Variants in IKBKE observed in about 807,000 individuals in gnomAD.
IKBKE encodes inhibitor of nuclear factor kappa-B kinase subunit epsilon.
IKBKE carries 45 observed loss-of-function variants against 92.1 expected under a neutral mutation model. The observed-to-expected ratio is 0.49, with a 90% CI of 0.38 to 0.63. The LOEUF (loss-of-function observed/expected upper bound fraction) is 0.63, where lower values mean the gene tolerates loss of function less well. IKBKE is among the 20% of genes least tolerant of loss of function. IKBKE has a pLI of 0.00. For missense variants in IKBKE, 700 were observed against 932.8 expected, an observed-to-expected ratio of 0.75 and a Z score of 3.25; for synonymous variants, 374 against 380.3, an observed-to-expected ratio of 0.98 and a Z score of 0.19.
chr1:206,476,650 A>G lies in IKBKE; in HGVS notation c.541-28A>G, dbSNP rs782429119. ...AGGCCCTTGCCAGCCCTCCGGCTCC[A>G]TGGCCTCATTCTGGTTCTCTCCGGC... On this transcript the variant is annotated intron_variant, in intron 6 of 21. Coordinates refer to ENST00000581977, the MANE Select transcript of IKBKE (RefSeq NM_014002.4). The surrounding 1 kb of genome is among the most constrained non-coding windows in gnomAD (Gnocchi z 5.1). The G allele has an allele frequency of 1.2e-6, 2 of 1,613,854 alleles. No individual in the cohort carries two copies. Among genetic ancestry groups the G allele is most frequent in the Non-Finnish European group, 1.7e-6 (2 of 1,179,852 alleles).
In IKBKE at chr1:206,476,375, C is replaced by A. The variant is rs1426529012; in HGVS notation, c.540+13C>A. Reference sequence around the variant, plus strand: ...TGAGGAGTACCTGGTGGGTGAGCTGCTCGAGACCCGCTGCCCTATGCTGAG... The same window carrying A: ...TGAGGAGTACCTGGTGGGTGAGCTGATCGAGACCCGCTGCCCTATGCTGAG... On this transcript the variant is annotated intron_variant, in intron 6 of 21. Coordinates refer to ENST00000581977, the MANE Select transcript of IKBKE (RefSeq NM_014002.4). The surrounding 1 kb of genome is among the most constrained non-coding windows in gnomAD (Gnocchi z 5.1). 2 of 1,595,028 alleles carry A rather than the reference C, an allele frequency of 1.3e-6. No homozygotes were observed. Among genetic ancestry groups the A allele is most frequent in the African/African-American group, 1.3e-5 (1 of 74,826 alleles).
At chr1:206,494,525 T>C (rs1156394554) in intron 21 of IKBKE, among the ~76,000 whole-genome samples, 1 of 150,936 alleles carries the variant, frequency 6.6e-6, no homozygotes, top group Non-Finnish European at 1.5e-5. Flanking sequence ...TCATGAGAGG[T>C]TGGTGTGGGA....
At chr1:206,494,506 G>A (rs782668627) in intron 21 of IKBKE, among the ~76,000 whole-genome samples, 12 of 151,894 alleles carry the variant, frequency 7.9e-5, no homozygotes, top group Non-Finnish European at 1.5e-4. Context: ...TCCTTGGGGT[G>A]CTGAGGGGTC....
At chr1:206,480,600 C>A in intron 13 of IKBKE, 67 bp downstream of exon 13, 2 of 1,142,568 alleles carry the variant, frequency 1.8e-6, no homozygotes, top group South Asian at 1.3e-5. Flanking sequence ...ACCCTAGATA[C>A]TTCCAACAAT....
chr1:206,495,197 T>A (rs1417571966), intron 21 of IKBKE, among the ~76,000 whole-genome samples: 1 of 152,120 alleles, frequency 6.6e-6, no homozygotes, highest in Non-Finnish European at 1.5e-5. Context: ...TGAGAACCAA[T>A]GGCAGGGTAG....
intron 15 of IKBKE, among the ~76,000 whole-genome samples, chr1:206,486,835 C>T (rs919916396): frequency 8.7e-5 from 13 of 148,604 alleles, no homozygotes; most frequent in Non-Finnish European, 1.5e-4. Flanking sequence ...ATCGAGGCCC[C>T]GTCCTTTTGG....
At chr1:206,488,329 C>T (rs1553389339) in intron 16 of IKBKE, among the ~76,000 whole-genome samples, 2 of 152,208 alleles carry the variant, frequency 1.3e-5, no homozygotes, top group East Asian at 3.8e-4. Context: ...AGATCTCGCA[C>T]CTTGGCAGGG....
intron 7 of IKBKE, among the ~76,000 whole-genome samples, 194 bp from the exon 8 acceptor site, chr1:206,477,555 A>C (rs1382515604): frequency 6.6e-6 from 1 of 152,174 alleles, no homozygotes; most frequent in East Asian, 1.9e-4. Context: ...TACCTGAAGC[A>C]AAGGGCTCCA....
At position 206,490,674 on chromosome 1, in the gene IKBKE, C is replaced by T; in HGVS notation, c.1694-145C>T. On this transcript the variant is annotated intron_variant, in intron 16 of 21. Transcript: ENST00000581977. This position sits in a 1 kb window ranked among gnomAD's most constrained non-coding sequence, Gnocchi z 5.2. ...TTCCGGTGCTAGCTTCACTCCTCTG[C>T]CCCTCCTGCTCCGCTGGGCGGTGAG... 1.3e-6 allele frequency: 1 copy of T among 774,304 alleles called. No homozygotes were observed. Among genetic ancestry groups the T allele is most frequent in the South Asian group, 1.5e-5 (1 of 66,978 alleles). The allele number at this position is 774,304 out of a possible 1,614,324, so 48.0% of individuals were successfully genotyped here.
At chr1:206,489,393 A>G (rs1345692881) in intron 16 of IKBKE, among the ~76,000 whole-genome samples, 8 of 144,662 alleles carry the variant, frequency 5.5e-5, no homozygotes, top group African/African-American at 1.8e-4. Flanking sequence ...ATATATATAT[A>G]TATATATACA....
chr1:206,479,548 C>T (rs1665247586), intron 10 of IKBKE, among the ~76,000 whole-genome samples: 1 of 152,212 alleles, frequency 6.6e-6, no homozygotes, highest in Non-Finnish European at 1.5e-5. Context: ...CCTTTCTTCT[C>T]ACTTGAACAG....
chr1:206,482,497 C>A lies in IKBKE; in HGVS notation c.1427+1964C>A, dbSNP rs944391156. ...ATCCTGGTGTCCGCTGGCTGCTGTT[C>A]CCCTGTTCTGGCTCTGCAGCCTCCT... On this transcript the variant is annotated intron_variant, in intron 13 of 21. Coordinates refer to ENST00000581977, the MANE Select transcript of IKBKE (RefSeq NM_014002.4). 5.9e-5 allele frequency among the ~76,000 whole-genome samples: 9 copies of A among 152,332 alleles called. 1 individual carries two copies. Among genetic ancestry groups the A allele is most frequent in the South Asian group, 4.1e-4 (2 of 4,826 alleles).
intron 20 of IKBKE, 81 bp from the exon 21 acceptor site, chr1:206,493,839 G>A (rs1041035394): frequency 1.7e-5 from 17 of 1,023,950 alleles, no homozygotes; most frequent in Non-Finnish European, 2.5e-5. Flanking sequence ...GGGCTGCAGA[G>A]GAGGGTGGGC....
Position 206,496,169 on chromosome 1 carries a change from C to A in IKBKE, c.*24C>A, listed in dbSNP as rs368976207. On this transcript the variant is annotated 3_prime_UTR_variant, in exon 22 of 22. Transcript: ENST00000581977. ...GAGCTCCATGGGGCACATGAGGCATCCTGAAGCATTAGAATGATTCCAACA... is the reference window on the plus strand; with the variant it reads ...GAGCTCCATGGGGCACATGAGGCATACTGAAGCATTAGAATGATTCCAACA... 6.9e-6 allele frequency: 11 copies of A among 1,596,594 alleles called. No individual in the cohort carries two copies. In the African/African-American group the frequency reaches 1.3e-4, roughly 19 times the overall value.
Position 206,477,851 on chromosome 1 carries a change from G to C in IKBKE, c.804G>C (p.Gln268His), listed in dbSNP as rs2103458540. The C allele has an allele frequency of 2.6e-6, 4 of 1,549,484 alleles. No individual in the cohort carries two copies. The highest frequency in any genetic ancestry group is 2.7e-5 in the African/African-American group (2 of 73,236). ...GCTACACCCTCCCCATCACCTGCCA[G>C]CTGTCACTGTGAGTGGGACCCTGCT... ...EWSYTLPITCQLSLGLQSQLV... is the reference protein window; with the variant it reads ...EWSYTLPITCHLSLGLQSQLV... The change falls in exon 8 of 22, where the codon CAG becomes CAC. Residue 268 changes from glutamine to histidine, a missense_variant. By Grantham distance (24) the Gln-to-His change is conservative (BLOSUM62 0). Coordinates refer to ENST00000581977, the MANE Select transcript of IKBKE (RefSeq NM_014002.4).
At chr1:206,493,163 T>G (rs781849611) in intron 19 of IKBKE, 44 bp downstream of exon 19, 11 of 1,566,026 alleles carry the variant, frequency 7.0e-6, no homozygotes, top group East Asian at 4.5e-5. Flanking sequence ...GGATGCAGGC[T>G]GGGGCGCTTG....
At chr1:206,492,790 C>G in intron 18 of IKBKE, 1 of 647,328 alleles carries the variant, frequency 1.5e-6, no homozygotes, top group Non-Finnish European at 2.9e-6. Flanking sequence ...GTTGTTGGTG[C>G]TCCACACTAC....
At chr1:206,479,209 A>ATTGGTTACTTTTCTTTGTGGGTGTTTCT in intron 10 of IKBKE, 76 bp downstream of exon 10, 2 of 1,241,930 alleles carry the variant, frequency 1.6e-6, no homozygotes, top group Non-Finnish European at 2.2e-6. Flanking sequence ...AATCCAGGCC[A>ATTGGTTACTTTTCTTTGTGGGTGTTTCT]TTGGTTACTT....
At chr1:206,491,808 A>G in intron 18 of IKBKE, 59 bp downstream of exon 18, 1 of 1,254,122 alleles carries the variant, frequency 8.0e-7, no homozygotes, top group Non-Finnish European at 1.2e-6. Context: ...TCTAGGCTTC[A>G]GAGGACCCAG....
Sources: gnomAD v4.1 joint callset for allele counts (sites outside exome capture counted in the v4.1 genomes callset) on GRCh38, gnomAD v4.1.1 for gene constraint, Gnocchi (gnomAD v3.1) non-coding constraint, MANE v1.5 for transcripts, NCBI Gene and HGNC (gene_info 2026-07-23, HGNC 2026-07-21) for gene names.